SUSD5: variants seen among roughly 807,000 people sequenced by gnomAD.
SUSD5 encodes sushi domain containing 5.
Under a neutral mutation model 29.5 loss-of-function variants are expected in SUSD5, and 33 were observed. The ratio of observed to expected loss-of-function variants is 1.12; its 90% CI spans 0.85 to 1.49. The LOEUF is 1.49. Ranked by LOEUF, SUSD5 falls within the 40% of genes most tolerant of loss-of-function variation. The pLI, the probability that SUSD5 is intolerant of heterozygous loss-of-function variation, is 0.00. For synonymous variants in SUSD5, 308 were observed against 325.3 expected (o/e 0.95, Z 0.57); for missense variants, 776 against 800.6 (o/e 0.97, Z 0.37).
At chr3:33,212,952 C>T (rs1698657781) in intron 2 of SUSD5, among the ~76,000 whole-genome samples, 1 of 152,048 alleles carries the variant, frequency 6.6e-6, no homozygotes, top group Non-Finnish European at 1.5e-5. Context: ...CATATACATG[C>T]AGATGAGTAT....
At chr3:33,185,541 T>G (rs941731802) in intron 3 of SUSD5, among the ~76,000 whole-genome samples, 3 of 152,152 alleles carry the variant, frequency 2.0e-5, no homozygotes, top group Non-Finnish European at 4.4e-5. Context: ...AACTTGTGAT[T>G]ATCTGTTTTT....
At position 33,152,971 on chromosome 3, in the gene SUSD5, T is replaced by A; in HGVS notation, c.1661A>T (p.Glu554Val). The A allele has an allele frequency of 6.2e-7, 1 of 1,613,944 alleles. No homozygotes were observed. The highest frequency in any genetic ancestry group is 1.1e-5 in the South Asian group (1 of 91,062). Residue 554 changes from glutamate (E) to valine (V), a missense_variant, in exon 5 of 5, where the codon GAG becomes GTG. Glu to Val is a moderately radical substitution (Grantham distance 121). Transcript: ENST00000309558. ...QEGPGPGASEELHPTLESCVG... is the reference protein window; with the variant it reads ...QEGPGPGASEVLHPTLESCVG... ...ACACGACTCCAAGGTGGGATGAAGCTCCTCACTTGCACCTGGCCCGGGGCC... is the reference window on the plus strand; with the variant it reads ...ACACGACTCCAAGGTGGGATGAAGCACCTCACTTGCACCTGGCCCGGGGCC...
chr3:33,195,165 A>C (rs1241779433), intron 3 of SUSD5, among the ~76,000 whole-genome samples: 1 of 152,242 alleles, frequency 6.6e-6, no homozygotes, highest in Non-Finnish European at 1.5e-5. Context: ...ACTGCACTCC[A>C]GCCTGGGGGA....
In SUSD5 at chr3:33,153,798, A is replaced by C; in HGVS notation, c.834T>G (p.Ser278Arg). ...GTGATCCTGGTGAATCTGCGGGGAC[A>C]CTGCTCCCAGCACCAGGCAAGCCTG... ...PTTGLPGAGS[S>R]VPADSPGSRL... is the part of the protein sequence containing the mutation. Residue 278 changes from serine to arginine, a missense_variant, in exon 5 of 5, where the codon AGT (serine) becomes AGG (arginine). Coordinates refer to ENST00000309558, the MANE Select transcript of SUSD5 (RefSeq NM_015551.2). 6.2e-7 allele frequency: 1 copy of C among 1,614,010 alleles called. No homozygotes were observed. Among genetic ancestry groups the C allele is most frequent in the Admixed American group, 1.7e-5 (1 of 60,020 alleles).
intron 4 of SUSD5, 53 bp from the exon 5 acceptor site, chr3:33,154,086 A>G (rs2030993097): frequency 2.1e-6 from 3 of 1,406,508 alleles, no homozygotes; most frequent in Admixed American, 2.6e-5. Flanking sequence ...CAGAGCCAGT[A>G]TAGAACATAA....
chr3:33,157,963 A>T (rs2031091161), intron 4 of SUSD5, among the ~76,000 whole-genome samples: 1 of 151,740 alleles, frequency 6.6e-6, no homozygotes, highest in South Asian at 2.1e-4. Flanking sequence ...AAGCTAACTA[A>T]CACACTAGCA....
At chr3:33,216,531 T>C (rs1216554618) in intron 1 of SUSD5, among the ~76,000 whole-genome samples, 1 of 152,214 alleles carries the variant, frequency 6.6e-6, no homozygotes, top group Non-Finnish European at 1.5e-5. Context: ...TACAGGCTAA[T>C]ATGTTTCATA....
chr3:33,169,409 C>T (rs1050884966), intron 4 of SUSD5, among the ~76,000 whole-genome samples: 5 of 151,844 alleles, frequency 3.3e-5, no homozygotes, highest in African/African-American at 1.2e-4. Context: ...TTAGTAGCGA[C>T]GGGGTTTCAC....
In SUSD5 at chr3:33,205,695, TGAG is replaced by T. The variant is rs1181342463; in HGVS notation, c.409+2110_409+2112del. On this transcript the variant is annotated intron_variant, in intron 3 of 4. Coordinates refer to ENST00000309558, the MANE Select transcript of SUSD5 (RefSeq NM_015551.2). ...GGAAAGCCCAGGCTGGCCTGTTGGATGAGGAGAAACACATGGCTCAGTTGCCCT... is the reference window on the plus strand; with the variant it reads ...GGAAAGCCCAGGCTGGCCTGTTGGATGAGAAACACATGGCTCAGTTGCCCT... Among the ~76,000 whole-genome samples the T allele has an allele frequency of 5.3e-5, 8 of 152,342 alleles. No individual in the cohort carries two copies. In the South Asian group the frequency reaches 6.2e-4, roughly 12 times the overall value.
At chr3:33,166,539 A>C (rs557589380) in intron 4 of SUSD5, among the ~76,000 whole-genome samples, 250 of 152,242 alleles carry the variant, frequency 1.6e-3, no homozygotes, top group African/African-American at 5.8e-3. Context: ...TGCACTGACC[A>C]CACCACCCTG....
At chr3:33,218,620 G>T in intron 1 of SUSD5, 66 bp downstream of exon 1, 3 of 1,223,522 alleles carry the variant, frequency 2.5e-6, no homozygotes, top group South Asian at 3.1e-5. Flanking sequence ...CAGCCCCGGC[G>T]AGCTACGCCC....
chr3:33,181,276 A>C (rs1166072097), intron 3 of SUSD5, among the ~76,000 whole-genome samples: 1 of 151,856 alleles, frequency 6.6e-6, no homozygotes, highest in Non-Finnish European at 1.5e-5. Context: ...ACATTCATTC[A>C]CTGACTCAAC....
chr3:33,169,659 C>T (rs1249709281), intron 4 of SUSD5, among the ~76,000 whole-genome samples: 1 of 152,214 alleles, frequency 6.6e-6, no homozygotes, highest in African/African-American at 2.4e-5. Flanking sequence ...GCTTTGTTCT[C>T]AATGCCTAAC....
At chr3:33,159,549 A>G (rs6806388) in intron 4 of SUSD5, among the ~76,000 whole-genome samples, 1 of 151,938 alleles carries the variant, frequency 6.6e-6, no homozygotes, top group African/African-American at 2.4e-5. Context: ...CCAGACCACT[A>G]GAATATGTAC....
chr3:33,215,237 T>C (rs1200715442), intron 1 of SUSD5, among the ~76,000 whole-genome samples: 1 of 152,096 alleles, frequency 6.6e-6, no homozygotes, highest in African/African-American at 2.4e-5. Flanking sequence ...CTACTATCCC[T>C]CTCAGTAATT....
Position 33,213,571 on chromosome 3 carries a change from C to T in SUSD5, c.290+357G>A, listed in dbSNP as rs145693101. ...GGTAGATCACCTGAGGTAAGGAGTT[C>T]GAGATCAGCCTGGCCAATATGGTGA... On this transcript the variant is annotated intron_variant, in intron 2 of 4. Coordinates refer to ENST00000309558, the MANE Select transcript of SUSD5 (RefSeq NM_015551.2). 3.2e-3 allele frequency among the ~76,000 whole-genome samples: 482 copies of T among 152,172 alleles called. 4 individuals carry two copies. Among genetic ancestry groups the T allele is most frequent in the African/African-American group, 0.011 (461 of 41,510 alleles).
chr3:33,217,106 C>T (rs933698677), intron 1 of SUSD5, among the ~76,000 whole-genome samples: 2 of 152,152 alleles, frequency 1.3e-5, no homozygotes, highest in Admixed American at 6.5e-5. Context: ...AATATTGATC[C>T]TTATCCACAT....
At chr3:33,157,708 C>G (rs2031085360) in intron 4 of SUSD5, among the ~76,000 whole-genome samples, 1 of 152,226 alleles carries the variant, frequency 6.6e-6, no homozygotes, top group Non-Finnish European at 1.5e-5. Flanking sequence ...GAAAGTGTTG[C>G]ATACCTTTGC....
At chr3:33,173,146 G>A (rs2031471291) in intron 4 of SUSD5, among the ~76,000 whole-genome samples, 1 of 152,190 alleles carries the variant, frequency 6.6e-6, no homozygotes, top group African/African-American at 2.4e-5. Context: ...CATGTGATAA[G>A]TGCTTGACCT....
Sources: gnomAD v4.1 joint callset for allele counts (sites outside exome capture counted in the v4.1 genomes callset) on GRCh38, gnomAD v4.1.1 for gene constraint, MANE v1.5 for transcripts, NCBI Gene and HGNC (gene_info 2026-07-23, HGNC 2026-07-21) for gene names.